RBFOX1: variants seen among roughly 807,000 people sequenced by gnomAD.
RBFOX1 encodes the protein RNA binding protein fox-1 homolog 1.
In RBFOX1, 8 loss-of-function variants were observed where a neutral mutation model predicts 57.7. That is an observed-to-expected ratio of 0.14 (90% CI 0.08 to 0.25). RBFOX1 has a LOEUF of 0.25. Ranked by LOEUF, RBFOX1 falls within the 10% of genes least tolerant of loss-of-function variation. The probability of loss-of-function intolerance (pLI) is 1.00; values close to 1 mark genes in which losing one functional copy is unlikely to be tolerated. For missense variants in RBFOX1, 611 were observed against 548.5 expected, an observed-to-expected ratio of 1.11 and a Z score of -1.14; for synonymous variants, 326 against 222.4, an observed-to-expected ratio of 1.47 and a Z score of -4.15.
At chr16:7,258,983 C>T (rs1295786888) in intron 4 of RBFOX1, among the ~76,000 whole-genome samples, 1 of 152,184 alleles carries the variant, frequency 6.6e-6, no homozygotes, top group Non-Finnish European at 1.5e-5. Context: ...GCATACCTTT[C>T]CAAGCCCTTG....
intron 3 of RBFOX1, among the ~76,000 whole-genome samples, chr16:6,759,580 T>A (rs1471659579): frequency 6.6e-6 from 1 of 151,878 alleles, no homozygotes; most frequent in Non-Finnish European, 1.5e-5. Flanking sequence ...GGATATGAGT[T>A]CCAGTTCCAG....
intron 4 of RBFOX1, among the ~76,000 whole-genome samples, chr16:7,511,517 G>C (rs1277875988): frequency 2.0e-5 from 3 of 152,148 alleles, no homozygotes; most frequent in African/African-American, 4.8e-5. Flanking sequence ...ATGCATACAA[G>C]AGTCAACACA....
In RBFOX1 at chr16:5,900,880, C is replaced by G. The variant is rs1219342254; in HGVS notation, c.351+33545C>G. Among the ~76,000 whole-genome samples the G allele has an allele frequency of 7.9e-5, 12 of 152,180 alleles. No individual in the cohort carries two copies. The East Asian group carries it at 1.9e-3, about 24-fold the overall frequency. On this transcript the variant is annotated intron_variant, in intron 4 of 19. Coordinates refer to the RBFOX1 transcript ENST00000641259. Reference sequence around the variant, plus strand: ...GAGCCCCTATTCCAAAAAACCAAGTCTACATAGTTCTGATTACCTGGGGAA... The same window carrying G: ...GAGCCCCTATTCCAAAAAACCAAGTGTACATAGTTCTGATTACCTGGGGAA...
intron 4 of RBFOX1, among the ~76,000 whole-genome samples, chr16:7,075,267 C>T (rs74369971): frequency 0.024 from 3,657 of 152,192 alleles, 58 homozygotes; most frequent in Middle Eastern, 0.034. Context: ...ATGATCAAAC[C>T]GTCTTCAAAT....
At chr16:6,222,531 C>G (rs532449896) in intron 1 of RBFOX1, among the ~76,000 whole-genome samples, 107 of 151,892 alleles carry the variant, frequency 7.0e-4, no homozygotes, top group African/African-American at 2.5e-3. Flanking sequence ...GACATAGCAA[C>G]CATCGGCTTC....
intron 2 of RBFOX1, among the ~76,000 whole-genome samples, chr16:6,458,673 A>C (rs1379232716): frequency 6.6e-6 from 1 of 152,208 alleles, no homozygotes; most frequent in Non-Finnish European, 1.5e-5. Context: ...CCCTCAAACC[A>C]CAGGGAAAAC....
intron 2 of RBFOX1, chr16:6,483,903 G>A (rs2095417322): frequency 8.8e-7 from 1 of 1,141,174 alleles, no homozygotes; most frequent in Non-Finnish European, 1.1e-6. Context: ...TGCAGCGCGT[G>A]AATGGGACGC....
At chr16:7,190,467 A>G (rs2085097726) in intron 4 of RBFOX1, among the ~76,000 whole-genome samples, 1 of 152,144 alleles carries the variant, frequency 6.6e-6, no homozygotes. Context: ...AATTCCCAAC[A>G]GGTATTTTTA....
At chr16:7,311,478 C>CCT (rs1555696042) in intron 4 of RBFOX1, among the ~76,000 whole-genome samples, 24 of 122,522 alleles carry the variant, frequency 2.0e-4, no homozygotes, top group Non-Finnish European at 1.8e-4. Flanking sequence ...TGAGCCTTTT[C>CCT]TTTTTTTTTT....
At chr16:5,490,853 C>A (rs2042805134) in intron 2 of RBFOX1, among the ~76,000 whole-genome samples, 1 of 152,118 alleles carries the variant, frequency 6.6e-6, no homozygotes, top group Non-Finnish European at 1.5e-5. Flanking sequence ...CTGAGTACAA[C>A]GATTAATCTC....
In RBFOX1 at chr16:7,255,285, T is replaced by C. The variant is rs181187500; in HGVS notation, c.27+203187T>C. On this transcript the variant is annotated intron_variant, in intron 4 of 15. Transcript: ENST00000550418. ...GCCTGACCTTAAACTCTGTGCTATT[T>C]CCATTCTATCACACTGCTGTGGAAA... 2.3e-3 allele frequency among the ~76,000 whole-genome samples: 353 copies of C among 152,312 alleles called. 3 individuals are homozygous for C. Among genetic ancestry groups the C allele is most frequent in the Non-Finnish European group, 4.4e-3 (300 of 68,030 alleles).
intron 2 of RBFOX1, among the ~76,000 whole-genome samples, chr16:6,615,810 A>G (rs1479349798): frequency 6.6e-6 from 1 of 152,102 alleles, no homozygotes; most frequent in African/African-American, 2.4e-5. Flanking sequence ...ATGGATGGAG[A>G]CACAGCCGCA....
chr16:5,461,404 G>A (rs1343785405), intron 1 of RBFOX1, among the ~76,000 whole-genome samples: 1 of 152,154 alleles, frequency 6.6e-6, no homozygotes, highest in Non-Finnish European at 1.5e-5. Context: ...GGGGGTGGCT[G>A]AGGAAACCAG....
At chr16:6,675,915 G>C (rs1275905441) in intron 3 of RBFOX1, among the ~76,000 whole-genome samples, 1 of 147,646 alleles carries the variant, frequency 6.8e-6, no homozygotes, top group Non-Finnish European at 1.5e-5. Flanking sequence ...CATGGGATGT[G>C]GTATTTGTCC....
intron 4 of RBFOX1, among the ~76,000 whole-genome samples, chr16:7,248,107 A>C (rs924604214): frequency 1.3e-5 from 2 of 152,228 alleles, no homozygotes. Context: ...TTTTAGGAAG[A>C]ACTGTGAATG....
intron 4 of RBFOX1, among the ~76,000 whole-genome samples, chr16:5,886,199 C>G (rs1417008225): frequency 6.6e-6 from 1 of 152,180 alleles, no homozygotes; most frequent in East Asian, 1.9e-4. Context: ...TCCCCAGTTT[C>G]AGGTATTGCC....
At chr16:6,158,099 C>T (rs1320378291) in intron 1 of RBFOX1, among the ~76,000 whole-genome samples, 9 of 152,154 alleles carry the variant, frequency 5.9e-5, no homozygotes, top group African/African-American at 1.9e-4. Flanking sequence ...AGATAAAACC[C>T]GAACGCTTTT....
intron 14 of RBFOX1, among the ~76,000 whole-genome samples, chr16:7,695,883 G>T (rs748105154): frequency 1.3e-5 from 2 of 152,130 alleles, no homozygotes; most frequent in Non-Finnish European, 2.9e-5. Flanking sequence ...TGTTATAACT[G>T]AAATTCTTAT....
chr16:5,546,257 G>C (rs551353232), intron 2 of RBFOX1, among the ~76,000 whole-genome samples: 1 of 152,172 alleles, frequency 6.6e-6, no homozygotes, highest in South Asian at 2.1e-4. Flanking sequence ...TTGATCTACA[G>C]AGTCAATGCA....
Sources: gnomAD v4.1 joint callset for allele counts (sites outside exome capture counted in the v4.1 genomes callset) on GRCh38, gnomAD v4.1.1 for gene constraint, MANE v1.5 for transcripts, NCBI Gene and HGNC (gene_info 2026-07-23, HGNC 2026-07-21) for gene names.